Variants in MPND observed in about 807,000 individuals in gnomAD.
MPND encodes MPN domain containing.
A neutral mutation model predicts 59.2 loss-of-function variants in MPND; 56 were observed. The observed-to-expected ratio is 0.95, with a 90% CI of 0.76 to 1.18. The LOEUF (loss-of-function observed/expected upper bound fraction) is 1.18. Among genes scored for constraint, MPND ranks in the 50% most tolerant of loss-of-function variants. The pLI is 0.00. For missense variants in MPND, 671 were observed against 676.0 expected, an observed-to-expected ratio of 0.99 and a Z score of 0.08; for synonymous variants, 323 against 291.9, an observed-to-expected ratio of 1.11 and a Z score of -1.09.
rs376470885 is a variant in MPND, at chr19:4,354,981, C to T, written c.879C>T (p.Val293=). Residue 293 remains valine, a synonymous_variant, in exon 7 of 13, where the codon GTC becomes GTT. Coordinates refer to ENST00000599840, the MANE Select transcript of MPND (RefSeq NM_001300862.2). ...ACAGTCACCTGACACGGAGTGAGGTCGTGGGTTACCTGGGGGGCCGCTGGG... is the reference window on the plus strand; with the variant it reads ...ACAGTCACCTGACACGGAGTGAGGTTGTGGGTTACCTGGGGGGCCGCTGGG... ...DFHSHLTRSE[V]VGYLGGRWDV... The T allele has an allele frequency of 1.1e-5, 16 of 1,516,294 alleles. No individual in the cohort carries two copies. Among genetic ancestry groups the T allele is most frequent in the East Asian group, 5.9e-5 (2 of 33,964 alleles). 93.9% of individuals were successfully genotyped at this position (1,516,294 alleles called of 1,614,324 possible). A position where few individuals can be genotyped will look rare whatever the true frequency, so the allele number is the denominator to read the frequency against.
chr19:4,351,982 G>A (rs932072860), intron 3 of MPND, among the ~76,000 whole-genome samples: 12 of 151,790 alleles, frequency 7.9e-5, no homozygotes. Flanking sequence ...AGACCAGCCT[G>A]GCCAACATGG....
intron 5 of MPND, 72 bp downstream of exon 5, chr19:4,354,201 G>T (rs1278485961): frequency 6.5e-7 from 1 of 1,547,146 alleles, no homozygotes; most frequent in Admixed American, 1.8e-5. Flanking sequence ...GGTAGCAAGG[G>T]CAGGGGTGGG....
Position 4,358,212 on chromosome 19 carries a change from G to A in MPND, c.1326+40G>A, listed in dbSNP as rs1012848620. The A allele has an allele frequency of 1.2e-5, 18 of 1,504,092 alleles. No homozygotes were observed. In the Admixed American group the frequency reaches 3.5e-4, roughly 30 times the overall value. 93.2% of individuals were successfully genotyped at this position (1,504,092 alleles called of 1,614,324 possible). A position where few individuals can be genotyped will look rare whatever the true frequency, so the allele number is the denominator to read the frequency against. ...GGGCGGGCAGGCAGGGGCTGGCAGT[G>A]CGCAGCTGGGCACACGATGCGTTGG... On this transcript the variant is annotated intron_variant, in intron 11 of 12. Transcript: ENST00000599840.
At chr19:4,345,365 T>C (rs1972163599) in intron 2 of MPND, among the ~76,000 whole-genome samples, 1 of 152,198 alleles carries the variant, frequency 6.6e-6, no homozygotes, top group Admixed American at 6.5e-5. Flanking sequence ...TTACTATTAC[T>C]GTTGTCATTA....
chr19:4,354,769 CAGG>C (rs1433496508), intron 6 of MPND, among the ~76,000 whole-genome samples, 177 bp from the exon 7 acceptor site: 1 of 152,184 alleles, frequency 6.6e-6, no homozygotes, highest in Non-Finnish European at 1.5e-5. Context: ...GAGGCTGAGA[CAGG>C]AGAATGGCTT....
chr19:4,357,590 G>A lies in MPND; in HGVS notation c.1236+5G>A. The A allele has an allele frequency of 1.2e-6, 2 of 1,608,312 alleles. No individual in the cohort carries two copies. Among genetic ancestry groups the A allele is most frequent in the Non-Finnish European group, 8.5e-7 (1 of 1,177,366 alleles). On this transcript the variant is annotated splice_donor_5th_base_variant and intron_variant, in intron 10 of 12. Transcript: ENST00000599840. ...TGGGTGATGCCTCCTCCCGAGGTAG[G>A]TGGGGCTGTTGGGAGAGCCTGGGGG...
At chr19:4,356,387 T>TA (rs1375468291) in intron 8 of MPND, among the ~76,000 whole-genome samples, 6 of 151,740 alleles carry the variant, frequency 4.0e-5, no homozygotes, top group East Asian at 1.9e-4. Flanking sequence ...CTACAAAAGA[T>TA]AAAAAAAATT....
rs1568400806 is a variant in MPND at position 4,357,495 on chromosome 19, C to T, written c.1166-20C>T. On this transcript the variant is annotated intron_variant, in intron 9 of 12. Coordinates refer to ENST00000599840, the MANE Select transcript of MPND (RefSeq NM_001300862.2). ...CAGCCGAGCCTCCCAGGGCCAACCC[C>T]TCTCCCTCTCTCCCGCCAGCCCCTT... The T allele has an allele frequency of 1.2e-6, 2 of 1,612,022 alleles. No individual in the cohort carries two copies. Among genetic ancestry groups the T allele is most frequent in the Admixed American group, 1.7e-5 (1 of 59,810 alleles).
chr19:4,349,491 C>G (rs1002079604), intron 3 of MPND, among the ~76,000 whole-genome samples: 1 of 151,100 alleles, frequency 6.6e-6, no homozygotes, highest in African/African-American at 2.4e-5. Context: ...CTGCCGAGTC[C>G]TCAGTGGCTC....
At position 4,354,936 on chromosome 19, in the gene MPND, C is replaced by G; in HGVS notation, c.847-13C>G. On this transcript the variant is annotated splice_polypyrimidine_tract_variant and intron_variant, in intron 6 of 12. Coordinates refer to ENST00000599840, the MANE Select transcript of MPND (RefSeq NM_001300862.2). ...AGCCTGAGCCAGTCTTTTGCTGTTCCTCCCTTCCCCAGGACTTCCACAGTC... is the reference window on the plus strand; with the variant it reads ...AGCCTGAGCCAGTCTTTTGCTGTTCGTCCCTTCCCCAGGACTTCCACAGTC... 1 of 1,576,368 alleles carries G rather than the reference C, an allele frequency of 6.3e-7. No homozygotes were observed. The highest frequency in any genetic ancestry group is 8.6e-7 in the Non-Finnish European group (1 of 1,158,220).
intron 2 of MPND, 133 bp from the exon 3 acceptor site, chr19:4,345,612 A>C (rs1972168451): frequency 1.3e-6 from 1 of 770,408 alleles, no homozygotes; most frequent in African/African-American, 1.7e-5. Context: ...GAGGCCCTGC[A>C]GCCGGCCTGA....
At chr19:4,351,652 G>A (rs892551577) in intron 3 of MPND, among the ~76,000 whole-genome samples, 1 of 150,820 alleles carries the variant, frequency 6.6e-6, no homozygotes, top group African/African-American at 2.4e-5. Context: ...CACAAGGTCA[G>A]ACGATCGAGA....
At chr19:4,353,155 T>C in intron 4 of MPND, 126 bp downstream of exon 4, 1 of 761,248 alleles carries the variant, frequency 1.3e-6, no homozygotes, top group Non-Finnish European at 1.8e-6. Context: ...GAGAGTCAGC[T>C]GGGCCCTAAG....
chr19:4,358,674 C>T (rs1972501289), intron 11 of MPND, among the ~76,000 whole-genome samples: 1 of 152,158 alleles, frequency 6.6e-6, no homozygotes, highest in African/African-American at 2.4e-5. Flanking sequence ...ATAGTCCTAG[C>T]TACTTGGGAG....
Position 4,354,313 on chromosome 19 carries a change from G to A in MPND, c.750-11G>A. 1.3e-6 allele frequency: 2 copies of A among 1,553,496 alleles called. No homozygotes were observed. The highest frequency in any genetic ancestry group is 2.4e-5 in the East Asian group (1 of 41,280). ...ATTCCTGAGACTGTGCGACCCTCCT[G>A]GCCCCTACAGGAACCCCCACACCCT... On this transcript the variant is annotated splice_polypyrimidine_tract_variant and intron_variant, in intron 5 of 12. Coordinates refer to ENST00000599840, the MANE Select transcript of MPND (RefSeq NM_001300862.2).
intron 2 of MPND, 47 bp downstream of exon 2, chr19:4,344,041 G>A: frequency 1.6e-6 from 2 of 1,235,446 alleles, no homozygotes; most frequent in Non-Finnish European, 2.1e-6. Flanking sequence ...GGCAGGAAGG[G>A]GAAACTGAGG....
At chr19:4,353,804 C>A (rs1972372239) in intron 4 of MPND, 4 of 467,678 alleles carry the variant, frequency 8.6e-6, no homozygotes, top group Non-Finnish European at 1.5e-5. Flanking sequence ...CTTGAGCAAT[C>A]CTCTCACCTC....
At chr19:4,353,988 C>G (rs1972376359) in intron 4 of MPND, 57 bp from the exon 5 acceptor site, 12 of 1,497,570 alleles carry the variant, frequency 8.0e-6, no homozygotes, top group Non-Finnish European at 1.1e-5. Context: ...CCAGTGGCCA[C>G]CTAATTTGTT....
rs1337562969 is a variant in MPND, at chr19:4,343,932, C to T, written c.232C>T (p.Arg78Trp). ...GALTRRAVTL[R>W]VLLKDALLEP... is the part of the protein sequence containing the mutation. ...GCTCACCAGGCGCGCGGTCACACTG[C>T]GGGTGCTCCTCAAAGACGCGCTGCT... The change falls in exon 2 of 13, where the codon CGG becomes TGG. Residue 78 changes from arginine (R) to tryptophan (W), a missense_variant. Transcript: ENST00000599840. 2 of 1,367,370 alleles carry T rather than the reference C, an allele frequency of 1.5e-6. No homozygotes were observed. The highest frequency in any genetic ancestry group is 3.1e-5 in the East Asian group (1 of 32,784). 84.7% of individuals were successfully genotyped at this position (1,367,370 alleles called of 1,614,324 possible).
Sources: allele counts gnomAD v4.1 joint callset (sites outside exome capture counted in the v4.1 genomes callset), GRCh38; gene constraint gnomAD v4.1.1; transcripts MANE v1.5; gene names NCBI Gene and HGNC (gene_info 2026-07-23, HGNC 2026-07-21).